Variants in CHODL observed in about 807,000 individuals in gnomAD.
CHODL encodes chondrolectin.
CHODL carries 29 observed loss-of-function variants against 34.5 expected under a neutral mutation model. The ratio of observed to expected loss-of-function variants is 0.84; its 90% CI spans 0.63 to 1.15. CHODL has a LOEUF of 1.15. CHODL is among the 50% of genes most tolerant of loss of function. The pLI is 0.00. For synonymous variants in CHODL, 125 were observed against 116.1 expected (o/e 1.08, Z -0.49); for missense variants, 332 against 332.5 (o/e 1.00, Z 0.01).
At chr21:17,985,493 T>C (rs574464805) in intron 1 of CHODL, among the ~76,000 whole-genome samples, 1 of 152,344 alleles carries the variant, frequency 6.6e-6, no homozygotes, top group Admixed American at 6.5e-5. Flanking sequence ...ATAATGACAT[T>C]TATACAGCAA....
chr21:18,020,023 T>C (rs1237984014), intron 1 of CHODL, among the ~76,000 whole-genome samples: 1 of 152,136 alleles, frequency 6.6e-6, no homozygotes, highest in Middle Eastern at 3.2e-3. Flanking sequence ...CTGGAAGGAC[T>C]GGCAGGTCAT....
Position 18,245,317 on chromosome 21 carries a change from G to T in CHODL, c.79+15G>T. The T allele has an allele frequency of 6.6e-7, 1 of 1,513,408 alleles. No homozygotes were observed. Among genetic ancestry groups the T allele is most frequent in the Non-Finnish European group, 8.8e-7 (1 of 1,135,950 alleles). The allele number at this position is 1,513,408 out of a possible 1,614,324, so 93.7% of individuals were successfully genotyped here. On this transcript the variant is annotated intron_variant, in intron 1 of 5. Coordinates refer to ENST00000299295, the MANE Select transcript of CHODL (RefSeq NM_024944.3). ...CGTGGTCAGCGGTGAGTCAGGGGCC[G>T]TCTCCCCGAAGAACGAGCGGGGAGA...
At chr21:17,940,441 C>G (rs2146329898) in intron 1 of CHODL, among the ~76,000 whole-genome samples, 1 of 152,020 alleles carries the variant, frequency 6.6e-6, no homozygotes. Context: ...GAAAAAAAGA[C>G]AAAAAGAACA....
At chr21:18,069,867 C>T (rs2064775058) in intron 2 of CHODL, among the ~76,000 whole-genome samples, 1 of 151,904 alleles carries the variant, frequency 6.6e-6, no homozygotes, top group Non-Finnish European at 1.5e-5. Flanking sequence ...TCCTCAGCCT[C>T]CCAAAGTGCT....
Position 17,973,394 on chromosome 21 carries a change from A to ATTTTC in CHODL, c.-144-54464_-144-54460dup, listed in dbSNP as rs199802180. Reference sequence around the variant, plus strand: ...AGACAATTTTTGCAATCTACTATGCATTTTCTTTTCTTTTCTTTCTTTCTT... The same window carrying ATTTTC: ...AGACAATTTTTGCAATCTACTATGCATTTTCTTTTCTTTTCTTTTCTTTCTTTCTT... On this transcript the variant is annotated intron_variant, in intron 1 of 6. Coordinates refer to the CHODL transcript ENST00000400127. Among the ~76,000 whole-genome samples, 353 of 146,308 alleles carry ATTTTC rather than the reference A, an allele frequency of 2.4e-3. 6 individuals carry two copies. Among genetic ancestry groups the ATTTTC allele is most frequent in the African/African-American group, 8.7e-3 (338 of 38,974 alleles).
rs185527505 is a variant in CHODL at position 18,102,512 on chromosome 21, T to G, written c.-45+74541T>G. 8.5e-5 allele frequency among the ~76,000 whole-genome samples: 13 copies of G among 152,328 alleles called. No homozygotes were observed. The East Asian group carries it at 2.3e-3, about 27-fold the overall frequency. On this transcript the variant is annotated intron_variant, in intron 2 of 6. Coordinates refer to the CHODL transcript ENST00000400127. ...AAATATGTCAGTGAAAGCCTGCTTT[T>G]ATTCTGCTTAATTTAGAATTTATTC...
intron 2 of CHODL, among the ~76,000 whole-genome samples, chr21:18,203,009 T>C (rs1211613296): frequency 5.3e-5 from 8 of 152,188 alleles, no homozygotes; most frequent in Admixed American, 5.2e-4. Context: ...ACATAAAAAA[T>C]AGTAGTTTAG....
intron 2 of CHODL, among the ~76,000 whole-genome samples, chr21:18,150,997 T>C (rs928706042): frequency 7.4e-5 from 11 of 149,582 alleles, no homozygotes; most frequent in Non-Finnish European, 1.3e-4. Context: ...GGCAGCAAAT[T>C]GCTTGAACCT....
chr21:18,003,010 C>T (rs1234001415), intron 1 of CHODL, among the ~76,000 whole-genome samples: 1 of 152,050 alleles, frequency 6.6e-6, no homozygotes, highest in Non-Finnish European at 1.5e-5. Flanking sequence ...GTAGTCCCAG[C>T]TACTCGGGAG....
At chr21:18,026,083 T>C (rs1440414280) in intron 1 of CHODL, among the ~76,000 whole-genome samples, 1 of 152,204 alleles carries the variant, frequency 6.6e-6, no homozygotes, top group Non-Finnish European at 1.5e-5. Flanking sequence ...AGGATTTTTG[T>C]CTATTTTGAT....
intron 2 of CHODL, among the ~76,000 whole-genome samples, chr21:18,205,346 T>C (rs985772010): frequency 6.6e-6 from 1 of 152,244 alleles, no homozygotes. Context: ...AATGATCATA[T>C]GGTTTTTTGA....
chr21:18,073,389 T>C lies in CHODL; in HGVS notation c.-45+45418T>C, dbSNP rs78331782. 8.1e-3 allele frequency among the ~76,000 whole-genome samples: 1,231 copies of C among 152,238 alleles called. 22 individuals carry two copies. The highest frequency in any genetic ancestry group is 0.028 in the African/African-American group (1,169 of 41,568). On this transcript the variant is annotated intron_variant, in intron 2 of 6. Transcript: ENST00000400127. ...CAGACTGTAGTTTTACCTTAATAAA[T>C]ACATCAATTGCAGTCTTTCTGAGTG...
At chr21:18,049,898 T>C (rs1261954983) in intron 2 of CHODL, among the ~76,000 whole-genome samples, 1 of 151,966 alleles carries the variant, frequency 6.6e-6, no homozygotes, top group African/African-American at 2.4e-5. Flanking sequence ...CCAATGTAAT[T>C]TGTCCATCTG....
At chr21:17,951,082 ATG>A (rs1262683700) in intron 1 of CHODL, among the ~76,000 whole-genome samples, 1 of 146,750 alleles carries the variant, frequency 6.8e-6, no homozygotes, top group African/African-American at 2.6e-5. Context: ...ATATAAGAAT[ATG>A]TGTGTGTATA....
At chr21:18,025,259 G>A (rs956766552) in intron 1 of CHODL, among the ~76,000 whole-genome samples, 16 of 152,072 alleles carry the variant, frequency 1.1e-4, no homozygotes, top group Admixed American at 1.0e-3. Flanking sequence ...TGTCACTACT[G>A]GTCACTTGGC....
chr21:18,206,368 C>A (rs1438665904), intron 2 of CHODL, among the ~76,000 whole-genome samples: 1 of 152,112 alleles, frequency 6.6e-6, no homozygotes, highest in Non-Finnish European at 1.5e-5. Context: ...GCTGAATTGA[C>A]CCCTTTATCA....
intron 1 of CHODL, among the ~76,000 whole-genome samples, chr21:17,981,398 T>TA (rs539289800): frequency 7.7e-4 from 118 of 152,292 alleles, no homozygotes; most frequent in African/African-American, 2.6e-3. Flanking sequence ...TTTCTTTTTT[T>TA]AAAAAAATAT....
intron 2 of CHODL, among the ~76,000 whole-genome samples, chr21:18,209,830 G>A (rs1206018105): frequency 2.0e-5 from 3 of 152,146 alleles, no homozygotes; most frequent in African/African-American, 7.2e-5. Context: ...CCAGGAGCTA[G>A]GACCTGGAAT....
At chr21:17,948,385 T>TA (rs966391238) in intron 1 of CHODL, among the ~76,000 whole-genome samples, 185 of 150,278 alleles carry the variant, frequency 1.2e-3, no homozygotes, top group African/African-American at 4.0e-3. Context: ...CTTCAAGAAA[T>TA]AAAAAAAACA....
Sources: gnomAD v4.1 joint callset for allele counts (sites outside exome capture counted in the v4.1 genomes callset) on GRCh38, gnomAD v4.1.1 for gene constraint, MANE v1.5 for transcripts, NCBI Gene and HGNC (gene_info 2026-07-23, HGNC 2026-07-21) for gene names.